OPN5: variants seen among roughly 807,000 people sequenced by gnomAD.
OPN5 encodes opsin-5.
In OPN5, 18 loss-of-function variants were observed where a neutral mutation model predicts 41.7. The ratio of observed to expected loss-of-function variants is 0.43; its 90% CI spans 0.30 to 0.64. The LOEUF is 0.64. OPN5 is among the 30% of genes least tolerant of loss of function. The pLI is 0.13. For missense variants in OPN5, 318 were observed against 434.5 expected (o/e 0.73, Z 2.38); for synonymous variants, 178 against 164.3 (o/e 1.08, Z -0.64).
intron 4 of OPN5, among the ~76,000 whole-genome samples, chr6:47,796,057 T>G (rs1773560719): frequency 6.6e-6 from 1 of 152,194 alleles, no homozygotes; most frequent in African/African-American, 2.4e-5. Context: ...GCTTGTGTTA[T>G]GAACACGAGC....
intron 2 of OPN5, among the ~76,000 whole-genome samples, chr6:47,788,021 G>A (rs1036614009): frequency 5.3e-5 from 8 of 152,208 alleles, no homozygotes; most frequent in Non-Finnish European, 1.0e-4. Context: ...CAGCAGATGT[G>A]TGCTTACTCA....
chr6:47,791,342 C>A (rs1016274754), intron 2 of OPN5, among the ~76,000 whole-genome samples: 1 of 151,488 alleles, frequency 6.6e-6, no homozygotes, highest in Non-Finnish European at 1.5e-5. Flanking sequence ...GAAAGAACTT[C>A]TCTAGAATAG....
chr6:47,817,243 G>T (rs1023102420), intron 6 of OPN5, among the ~76,000 whole-genome samples: 4 of 152,054 alleles, frequency 2.6e-5, no homozygotes, highest in East Asian at 1.9e-4. Context: ...TCATGAAAGG[G>T]TTGAGATATT....
intron 3 of OPN5, among the ~76,000 whole-genome samples, chr6:47,792,569 G>A (rs1311901586): frequency 1.3e-5 from 2 of 152,082 alleles, no homozygotes; most frequent in Admixed American, 6.6e-5. Context: ...AGTTTCCAGG[G>A]ACTAAATATA....
intron 2 of OPN5, among the ~76,000 whole-genome samples, chr6:47,788,666 T>A (rs895831101): frequency 2.0e-5 from 3 of 152,144 alleles, no homozygotes; most frequent in Admixed American, 6.5e-5. Flanking sequence ...TATAAGCACC[T>A]CCTGGAGGCC....
At chr6:47,786,549 T>G (rs762412903) in exon 2 of OPN5, 2 of 1,609,766 alleles carry the variant, frequency 1.2e-6, no homozygotes, top group Non-Finnish European at 1.7e-6. Context: ...GATATGTCCT[T>G]TACATGTCTT....
At chr6:47,808,389 G>T in exon 5 of OPN5, 1 of 1,613,984 alleles carries the variant, frequency 6.2e-7, no homozygotes, top group Non-Finnish European at 8.5e-7. Context: ...TCTCTGGAAG[G>T]CTTCAGGTAA....
chr6:47,792,033 T>C (rs1352808327), intron 3 of OPN5, 61 bp downstream of exon 3: 15 of 1,192,044 alleles, frequency 1.3e-5, no homozygotes, highest in Admixed American at 2.0e-5. Context: ...GTGTTAGAAC[T>C]GTACATATTT....
intron 5 of OPN5, 101 bp from the exon 6 acceptor site, chr6:47,811,573 T>G: frequency 1.8e-6 from 1 of 562,540 alleles, no homozygotes; most frequent in Admixed American, 2.5e-5. Context: ...ATAATCCTCA[T>G]AGTAGTCGTT....
chr6:47,814,179 T>C (rs2113999241), intron 6 of OPN5, among the ~76,000 whole-genome samples: 1 of 152,156 alleles, frequency 6.6e-6, no homozygotes, highest in African/African-American at 2.4e-5. Context: ...TTTTCCTTCT[T>C]CTTCTTTTGT....
intron 4 of OPN5, among the ~76,000 whole-genome samples, chr6:47,806,332 A>G (rs1773962018): frequency 6.6e-6 from 1 of 152,178 alleles, no homozygotes; most frequent in Admixed American, 6.5e-5. Context: ...GGCCTGAAAT[A>G]GCACAAGTTT....
At chr6:47,811,394 G>A (rs1416111879) in intron 5 of OPN5, among the ~76,000 whole-genome samples, 1 of 152,136 alleles carries the variant, frequency 6.6e-6, no homozygotes, top group East Asian at 1.9e-4. Context: ...GTGCAGGTAG[G>A]TGTGCAATTA....
intron 2 of OPN5, among the ~76,000 whole-genome samples, chr6:47,790,759 T>C (rs1267715871): frequency 2.0e-5 from 3 of 152,176 alleles, no homozygotes; most frequent in Non-Finnish European, 4.4e-5. Context: ...CTATTAAACC[T>C]CCTCCTTTTC....
chr6:47,822,527 A>G (rs994827908), intron 6 of OPN5, among the ~76,000 whole-genome samples: 3 of 152,234 alleles, frequency 2.0e-5, no homozygotes, highest in Non-Finnish European at 4.4e-5. Context: ...ATGAAACATG[A>G]CAGCACCAAC....
At chr6:47,792,863 A>G (rs937723817) in intron 3 of OPN5, among the ~76,000 whole-genome samples, 1 of 147,710 alleles carries the variant, frequency 6.8e-6, no homozygotes, top group South Asian at 2.4e-4. Flanking sequence ...GACACTGTCA[A>G]TGTGGTAGAA....
intron 6 of OPN5, among the ~76,000 whole-genome samples, chr6:47,820,415 G>A (rs1486049733): frequency 2.6e-5 from 4 of 152,088 alleles, no homozygotes; most frequent in Non-Finnish European, 5.9e-5. Context: ...TTTGCTATAT[G>A]GTTGACCGAT....
intron 2 of OPN5, among the ~76,000 whole-genome samples, 165 bp from the exon 3 acceptor site, chr6:47,791,637 A>G (rs1175495878): frequency 6.6e-6 from 1 of 152,206 alleles, no homozygotes; most frequent in Non-Finnish European, 1.5e-5. Flanking sequence ...TTATTCATAG[A>G]TAACTGCTGG....
At chr6:47,792,740 T>C (rs1773420109) in intron 3 of OPN5, among the ~76,000 whole-genome samples, 2 of 152,302 alleles carry the variant, frequency 1.3e-5, no homozygotes, top group South Asian at 4.1e-4. Flanking sequence ...TGACTTCCTC[T>C]GGATAAAGTT....
downstream of OPN5, chr6:47,826,141 C>T (rs1001868106): frequency 2.0e-5 from 3 of 151,966 alleles, no homozygotes; most frequent in Non-Finnish European, 2.9e-5. Flanking sequence ...CGATGAACTC[C>T]CATGTATCCA....
Sources: allele counts gnomAD v4.1 joint callset (sites outside exome capture counted in the v4.1 genomes callset), GRCh38; gene constraint gnomAD v4.1.1; transcripts MANE v1.5; gene names NCBI Gene and HGNC (gene_info 2026-07-23, HGNC 2026-07-21).